The following GFM1 variants were observed in gnomAD, a reference collection of about 807,000 sequenced individuals.
GFM1 encodes elongation factor G, mitochondrial.
GFM1 carries 62 observed loss-of-function variants against 96.2 expected under a neutral mutation model. The ratio of observed to expected loss-of-function variants is 0.64; its 90% confidence interval spans 0.53 to 0.80. GFM1 has a LOEUF of 0.80. GFM1 is among the 30% of genes least tolerant of loss of function. The probability of loss-of-function intolerance (pLI) is 0.00; values close to 1 mark genes in which losing one functional copy is unlikely to be tolerated. For synonymous variants in GFM1, 282 were observed against 312.9 expected, an observed-to-expected ratio of 0.90 and a Z score of 1.04; for missense variants, 852 against 916.6, an observed-to-expected ratio of 0.93 and a Z score of 0.91.
At position 158,646,520 on chromosome 3, in the gene GFM1, C is replaced by T. The variant is rs2303910; in HGVS notation, c.367+223C>T. On this transcript the variant is annotated intron_variant, in intron 3 of 17. Coordinates refer to ENST00000486715, the MANE Select transcript of GFM1 (RefSeq NM_024996.7). ...TGAGTAGGCAGATTCTTGCCTTTTACATATTCTAGCTGATTCTAAAGGTGC... is the reference window on the plus strand; with the variant it reads ...TGAGTAGGCAGATTCTTGCCTTTTATATATTCTAGCTGATTCTAAAGGTGC... 0.13 allele frequency among the ~76,000 whole-genome samples: 20,462 copies of T among 152,164 alleles called. 1,892 individuals carry two copies. The highest frequency in any genetic ancestry group is 0.43 in the East Asian group (2,235 of 5,172).
intron 15 of GFM1, among the ~76,000 whole-genome samples, chr3:158,686,352 TATAA>T (rs1422648974): frequency 2.0e-5 from 3 of 147,764 alleles, no homozygotes; most frequent in Non-Finnish European, 3.0e-5. Flanking sequence ...ATATAAAATA[TATAA>T]ATATGTTCTG....
intron 15 of GFM1, among the ~76,000 whole-genome samples, chr3:158,688,495 T>C (rs1280647982): frequency 9.2e-5 from 14 of 152,222 alleles, no homozygotes; most frequent in Admixed American, 9.2e-4. Flanking sequence ...CCTTTACCCT[T>C]TCACAATCTA....
At chr3:158,674,444 C>T (rs1004340839) in intron 13 of GFM1, among the ~76,000 whole-genome samples, 11 of 152,126 alleles carry the variant, frequency 7.2e-5, no homozygotes, top group Non-Finnish European at 1.3e-4. Context: ...AGCCAATTTT[C>T]GATGGGGTTG....
At chr3:158,672,426 T>C (rs1724425214) in intron 13 of GFM1, 4 of 1,614,110 alleles carry the variant, frequency 2.5e-6, no homozygotes, top group Non-Finnish European at 2.5e-6. Context: ...GATGTAGTTC[T>C]GTGCCACCAA....
rs1338841467 is a variant in GFM1, at chr3:158,694,043, C to T, written c.*2576C>T. Among the ~76,000 whole-genome samples, 1 of 151,000 alleles carries T rather than the reference C, an allele frequency of 6.6e-6. No homozygotes were observed. Among genetic ancestry groups the T allele is most frequent in the Non-Finnish European group, 1.5e-5 (1 of 67,820 alleles). On this transcript the variant is annotated 3_prime_UTR_variant, in exon 18 of 18. Transcript: ENST00000486715. ...TTTTTTTTTTAAGAGATGGGGTCTT[C>T]TAAGACAAAAACCATCTGACTCAGC...
intron 13 of GFM1, among the ~76,000 whole-genome samples, chr3:158,672,998 C>T (rs1724507159): frequency 6.6e-6 from 1 of 152,174 alleles, no homozygotes. Flanking sequence ...GCGTCCCTGG[C>T]AGGGCAAGGT....
At chr3:158,654,249 C>T (rs529720608) in intron 7 of GFM1, among the ~76,000 whole-genome samples, 60 of 101,872 alleles carry the variant, frequency 5.9e-4, no homozygotes, top group Middle Eastern at 0.024. Context: ...AAGTCTTGCT[C>T]GGTTTCTAGG....
intron 5 of GFM1, chr3:158,650,006 C>T (rs1722164519): frequency 2.0e-6 from 3 of 1,535,696 alleles, no homozygotes; most frequent in Middle Eastern, 1.7e-4. Flanking sequence ...TCTCCACAGG[C>T]ACTTCCTGAG....
chr3:158,689,300 T>C (rs1191671371), intron 15 of GFM1, among the ~76,000 whole-genome samples: 4 of 152,156 alleles, frequency 2.6e-5, no homozygotes, highest in African/African-American at 9.7e-5. Context: ...ATTTTGTAGA[T>C]GAAAAAATTT....
intron 13 of GFM1, among the ~76,000 whole-genome samples, chr3:158,670,671 G>C (rs1230148764): frequency 6.6e-6 from 1 of 152,234 alleles, no homozygotes; most frequent in African/African-American, 2.4e-5. Context: ...CAGCAAAGAT[G>C]ATCTGGAATA....
chr3:158,666,264 T>C (rs778029009), intron 12 of GFM1, 40 bp from the exon 13 acceptor site: 3 of 1,468,166 alleles, frequency 2.0e-6, no homozygotes, highest in Non-Finnish European at 9.5e-7. Context: ...TTTCGGTTTA[T>C]TTTTTTAAAT....
chr3:158,649,997 C>T, intron 5 of GFM1: 1 of 1,535,418 alleles, frequency 6.5e-7, no homozygotes. Flanking sequence ...CTGGTCGTTT[C>T]TCCACAGGCA....
Position 158,648,931 on chromosome 3 carries a change from C to T in GFM1, c.573-110C>T, listed in dbSNP as rs915953959. 55 of 717,998 alleles carry T rather than the reference C, an allele frequency of 7.7e-5. No homozygotes were observed. The Admixed American group carries it at 9.4e-4, about 12-fold the overall frequency. The allele number at this position is 717,998 out of a possible 1,614,324, so 44.5% of individuals were successfully genotyped here. ...TCTGTTCTGACCTGATGGTAACACC[C>T]TTCTCAGTTCTCCAGTGTCTGCCAC... On this transcript the variant is annotated intron_variant, in intron 4 of 17. Coordinates refer to ENST00000486715, the MANE Select transcript of GFM1 (RefSeq NM_024996.7).
intron 13 of GFM1, among the ~76,000 whole-genome samples, chr3:158,675,123 C>G (rs1285216166): frequency 6.6e-6 from 1 of 151,890 alleles, no homozygotes; most frequent in Non-Finnish European, 1.5e-5. Context: ...CCCGTCTCTA[C>G]TTAAAATACA....
rs1484738866 is a variant in GFM1 at position 158,691,792 on chromosome 3, T to C, written c.*325T>C. 9.0e-6 allele frequency: 2 copies of C among 221,542 alleles called. No homozygotes were observed. Among genetic ancestry groups the C allele is most frequent in the East Asian group, 1.2e-4 (1 of 8,516 alleles). 13.7% of individuals were successfully genotyped at this position (221,542 alleles called of 1,614,324 possible). A position where few individuals can be genotyped will look rare whatever the true frequency, so the allele number is the denominator to read the frequency against. On this transcript the variant is annotated 3_prime_UTR_variant, in exon 18 of 18. Coordinates refer to ENST00000486715, the MANE Select transcript of GFM1 (RefSeq NM_024996.7). ...CAGTTATACTTTTAAGCTTAGAATG[T>C]ATGTTCATTTCCAAATTTTGTATCA...
At chr3:158,678,367 C>A (rs1725080523) in intron 13 of GFM1, among the ~76,000 whole-genome samples, 1 of 152,160 alleles carries the variant, frequency 6.6e-6, no homozygotes, top group Admixed American at 6.5e-5. Context: ...AATTGAAAAC[C>A]TTCTAGAAAG....
intron 8 of GFM1, among the ~76,000 whole-genome samples, chr3:158,658,047 GGATTTC>G (rs1454000255): frequency 6.6e-6 from 1 of 151,626 alleles, no homozygotes. Context: ...TTTCCTGTTG[GGATTTC>G]GATTGCTATT....
chr3:158,663,840 A>G (rs1043279374), intron 11 of GFM1, among the ~76,000 whole-genome samples: 4 of 152,200 alleles, frequency 2.6e-5, no homozygotes, highest in African/African-American at 9.7e-5. Flanking sequence ...TGTATGCATT[A>G]AAAAGTTTAA....
chr3:158,650,352 A>G (rs2108012363), intron 5 of GFM1: 1 of 309,160 alleles, frequency 3.2e-6, no homozygotes, highest in East Asian at 5.3e-5. Context: ...TAGGGACTCA[A>G]AAATATTTGT....
Sources: gnomAD v4.1 joint callset for allele counts (sites outside exome capture counted in the v4.1 genomes callset) on GRCh38, gnomAD v4.1.1 for gene constraint, MANE v1.5 for transcripts, NCBI Gene and HGNC (gene_info 2026-07-23, HGNC 2026-07-21) for gene names.